ZNF705A: variants seen among roughly 807,000 people sequenced by gnomAD.
ZNF705A encodes zinc finger protein 705A.
A neutral mutation model predicts 16.6 loss-of-function variants in ZNF705A; 8 were observed. The observed-to-expected ratio is 0.48, with a 90% CI of 0.28 to 0.87. ZNF705A has a LOEUF of 0.87. Among genes scored for constraint, ZNF705A ranks in the 40% least tolerant of loss-of-function variants. The probability of loss-of-function intolerance (pLI) is 0.10; values close to 1 mark genes in which losing one functional copy is unlikely to be tolerated. For synonymous variants in ZNF705A, 73 were observed against 117.3 expected, an observed-to-expected ratio of 0.62 and a Z score of 2.44; for missense variants, 233 against 359.9, an observed-to-expected ratio of 0.65 and a Z score of 2.85.
chr12:8,178,897 C>T (rs1463073359), exon 5 of ZNF705A: 1 of 152,254 alleles, frequency 6.6e-6, no homozygotes, highest in Non-Finnish European at 1.5e-5. Context: ...TTTAACAGCT[C>T]TTTCCTCACA....
At chr12:8,169,868 T>C (rs987722766), upstream of ZNF705A, among the ~76,000 whole-genome samples, 2 of 152,022 alleles carry the variant, frequency 1.3e-5, no homozygotes, top group East Asian at 1.9e-4. Flanking sequence ...ATATTGAGGG[T>C]GCAGAATGGC....
exon 1 of ZNF705A, chr12:8,157,034 T>C: frequency 2.5e-6 from 1 of 398,050 alleles, no homozygotes; most frequent in Non-Finnish European, 4.4e-6. Flanking sequence ...AAAATCTGCA[T>C]AATGGAAAAT....
intron 1 of ZNF705A, among the ~76,000 whole-genome samples, chr12:8,167,098 C>G (rs936761366): frequency 5.9e-5 from 9 of 152,100 alleles, no homozygotes; most frequent in African/African-American, 1.9e-4. Flanking sequence ...AACATTGAAA[C>G]TTTTTATATC....
chr12:8,179,196 G>A (rs1272616567), exon 5 of ZNF705A: 1 of 152,078 alleles, frequency 6.6e-6, no homozygotes, highest in Non-Finnish European at 1.5e-5. Flanking sequence ...CTCTCTAACT[G>A]GAAGTAGCAG....
chr12:8,176,852 A>G, intron 4 of ZNF705A, 147 bp from the exon 6 acceptor site: 1 of 1,319,724 alleles, frequency 7.6e-7, no homozygotes, highest in African/African-American at 1.5e-5. Flanking sequence ...GGGTCCCAAA[A>G]TTTAATTTCC....
At chr12:8,157,637 T>G (rs780252891) in intron 1 of ZNF705A, among the ~76,000 whole-genome samples, 1 of 152,156 alleles carries the variant, frequency 6.6e-6, no homozygotes, top group African/African-American at 2.4e-5. Context: ...TGAAGGAGTA[T>G]AGGGAGAAGA....
At chr12:8,158,581 T>C (rs1481466550) in intron 1 of ZNF705A, among the ~76,000 whole-genome samples, 1 of 152,042 alleles carries the variant, frequency 6.6e-6, no homozygotes, top group African/African-American at 2.4e-5. Context: ...ATTTGGCCTT[T>C]AAGAAAATCT....
exon 5 of ZNF705A, chr12:8,179,934 CTTA>C (rs1948518951): frequency 6.6e-6 from 1 of 152,172 alleles, no homozygotes; most frequent in African/African-American, 2.4e-5. Context: ...GAATGCTTCT[CTTA>C]TTCAAGCTCA....
chr12:8,165,950 A>C (rs138344492), intron 1 of ZNF705A, among the ~76,000 whole-genome samples: 14,385 of 152,228 alleles, frequency 0.094, 921 homozygotes, highest in South Asian at 0.13. Context: ...TGTCTTTGCT[A>C]TTGCAAATAA....
chr12:8,170,189 C>G (rs910412097), upstream of ZNF705A, among the ~76,000 whole-genome samples: 84 of 125,914 alleles, frequency 6.7e-4, 1 homozygote, highest in East Asian at 0.015. Context: ...AACTCTCCCC[C>G]CCCCCCCAAA....
intron 1 of ZNF705A, among the ~76,000 whole-genome samples, chr12:8,158,763 A>G (rs1378233249): frequency 6.6e-6 from 1 of 152,032 alleles, no homozygotes; most frequent in East Asian, 1.9e-4. Context: ...TTCTCTGGAT[A>G]TGATATATTT....
rs113960399 is a variant in ZNF705A at position 8,166,366 on chromosome 12, A to G, written c.-71-6189A>G. Among the ~76,000 whole-genome samples, 455 of 152,016 alleles carry G rather than the reference A, an allele frequency of 3.0e-3. 2 individuals carry two copies. Among genetic ancestry groups the G allele is most frequent in the African/African-American group, 9.9e-3 (409 of 41,446 alleles). ...CCGCCCAAATCTCACCTCAAATTGTACTCCCATAATTCCCACATGTTGTGG... is the reference window on the plus strand; with the variant it reads ...CCGCCCAAATCTCACCTCAAATTGTGCTCCCATAATTCCCACATGTTGTGG... On this transcript the variant is annotated intron_variant, in intron 1 of 5. Transcript: ENST00000396570.
chr12:8,161,263 T>C (rs1342585633), intron 1 of ZNF705A, among the ~76,000 whole-genome samples: 2 of 152,152 alleles, frequency 1.3e-5, no homozygotes, highest in Non-Finnish European at 2.9e-5. Context: ...TCTGTAGTTT[T>C]CTTTTTTGGT....
Position 8,161,589 on chromosome 12 carries a change from G to A in ZNF705A, c.-72+4497G>A, listed in dbSNP as rs982642974. Among the ~76,000 whole-genome samples the A allele has an allele frequency of 3.3e-5, 5 of 152,218 alleles. No homozygotes were observed. The East Asian group carries it at 9.6e-4, about 29-fold the overall frequency. On this transcript the variant is annotated intron_variant, in intron 1 of 5. Coordinates refer to the ZNF705A transcript ENST00000396570. ...GGTTTTCTAGTTTATGTGCATAAAG[G>A]TGTTCATAGTAGCCTTGAATGATCA...
intron 3 of ZNF705A, among the ~76,000 whole-genome samples, 188 bp downstream of exon 4, chr12:8,175,511 C>G (rs1346985282): frequency 1.3e-5 from 2 of 152,124 alleles, no homozygotes; most frequent in East Asian, 3.8e-4. Context: ...CTTGTGTCCT[C>G]TTTTTTTACT....
At chr12:8,159,802 T>C (rs1948338911) in intron 1 of ZNF705A, among the ~76,000 whole-genome samples, 1 of 152,204 alleles carries the variant, frequency 6.6e-6, no homozygotes, top group South Asian at 2.1e-4. Context: ...CTGTTCCTTT[T>C]GCCATGCAAA....
At chr12:8,160,012 AT>A (rs1948340831) in intron 1 of ZNF705A, among the ~76,000 whole-genome samples, 1 of 152,150 alleles carries the variant, frequency 6.6e-6, no homozygotes, top group South Asian at 2.1e-4. Flanking sequence ...AAAGTGAAAG[AT>A]GGGGATCTAG....
intron 1 of ZNF705A, among the ~76,000 whole-genome samples, chr12:8,165,889 C>A (rs756497171): frequency 4.5e-4 from 69 of 152,286 alleles, no homozygotes; most frequent in African/African-American, 1.6e-3. Context: ...TGTACATATA[C>A]TGTATTTTCT....
intron 1 of ZNF705A, among the ~76,000 whole-genome samples, chr12:8,164,095 G>A (rs1283831870): frequency 6.6e-6 from 1 of 151,810 alleles, no homozygotes; most frequent in East Asian, 1.9e-4. Context: ...AGAAATATTG[G>A]TAAGAATACA....
Sources: gnomAD v4.1 joint callset for allele counts (sites outside exome capture counted in the v4.1 genomes callset) on GRCh38, gnomAD v4.1.1 for gene constraint, MANE v1.5 for transcripts, NCBI Gene and HGNC (gene_info 2026-07-23, HGNC 2026-07-21) for gene names.